FRAS1: variants seen among roughly 807,000 people sequenced by gnomAD.
The protein encoded by FRAS1 is Fraser extracellular matrix complex subunit 1.
A neutral mutation model predicts 435.2 loss-of-function variants in FRAS1; 290 were observed. The observed-to-expected ratio is 0.67, with a 90% CI of 0.61 to 0.73. The LOEUF is 0.73. Ranked by LOEUF, FRAS1 falls within the 30% of genes least tolerant of loss-of-function variation. FRAS1 has a pLI of 0.00. For synonymous variants in FRAS1, 1,800 were observed against 1,851.0 expected, an observed-to-expected ratio of 0.97 and a Z score of 0.71; for missense variants, 4,860 against 5,001.5, an observed-to-expected ratio of 0.97 and a Z score of 0.85.
At chr4:78,466,836 T>A (rs1012794154) in intron 50 of FRAS1, among the ~76,000 whole-genome samples, 12 of 152,168 alleles carry the variant, frequency 7.9e-5, no homozygotes, top group Non-Finnish European at 1.6e-4. Context: ...TTGGACTAGG[T>A]CCCCTCAGCC....
chr4:78,090,079 A>G (rs1741434811), intron 2 of FRAS1, among the ~76,000 whole-genome samples: 1 of 52,532 alleles, frequency 1.9e-5, no homozygotes, highest in Non-Finnish European at 4.2e-5. Context: ...GGCATTGCAA[A>G]CTTGTGACTG....
At chr4:78,450,080 C>G in intron 44 of FRAS1, 71 bp from the exon 45 acceptor site, 1 of 1,292,494 alleles carries the variant, frequency 7.7e-7, no homozygotes. Context: ...CTCCAGTCTC[C>G]TAAAATCATT....
At chr4:78,304,194 C>T (rs1293522251) in intron 14 of FRAS1, among the ~76,000 whole-genome samples, 1 of 151,576 alleles carries the variant, frequency 6.6e-6, no homozygotes, top group Admixed American at 6.6e-5. Context: ...CCTTGCATCC[C>T]AGGGATGAAG....
chr4:78,443,378 T>C (rs1734736642), intron 41 of FRAS1, among the ~76,000 whole-genome samples: 1 of 152,162 alleles, frequency 6.6e-6, no homozygotes, highest in South Asian at 2.1e-4. Context: ...AGAAACTAGC[T>C]ACCTAAATTC....
chr4:78,102,228 T>G (rs1742166554), intron 2 of FRAS1, among the ~76,000 whole-genome samples: 1 of 152,208 alleles, frequency 6.6e-6, no homozygotes, highest in South Asian at 2.1e-4. Context: ...AGGAACCATT[T>G]GAAAGGACCA....
At chr4:78,242,382 G>A (rs1725039242) in intron 3 of FRAS1, among the ~76,000 whole-genome samples, 1 of 152,120 alleles carries the variant, frequency 6.6e-6, no homozygotes, top group African/African-American at 2.4e-5. Context: ...ACCTGCTGTG[G>A]TACCCTTACA....
At chr4:78,338,612 T>G (rs902360543) in intron 20 of FRAS1, among the ~76,000 whole-genome samples, 1 of 152,202 alleles carries the variant, frequency 6.6e-6, no homozygotes, top group Non-Finnish European at 1.5e-5. Flanking sequence ...AGGGCTGAAC[T>G]GGGGAGATCC....
intron 2 of FRAS1, among the ~76,000 whole-genome samples, chr4:78,195,740 A>G (rs1407207112): frequency 6.6e-6 from 1 of 151,976 alleles, no homozygotes; most frequent in Non-Finnish European, 1.5e-5. Flanking sequence ...GCAATGCCTC[A>G]CCCTGCTTCG....
At chr4:78,329,426 C>A (rs1024124426) in intron 18 of FRAS1, among the ~76,000 whole-genome samples, 2 of 152,220 alleles carry the variant, frequency 1.3e-5, no homozygotes, top group African/African-American at 4.8e-5. Flanking sequence ...TCGCTGTTAT[C>A]ATGGGCCTAA....
At chr4:78,197,915 TG>T (rs1379648472) in intron 2 of FRAS1, among the ~76,000 whole-genome samples, 4 of 146,828 alleles carry the variant, frequency 2.7e-5, no homozygotes, top group Non-Finnish European at 4.5e-5. Flanking sequence ...CACTCCAGCC[TG>T]GGTGACAGAG....
chr4:78,446,562 C>A, intron 42 of FRAS1, 165 bp from the exon 43 acceptor site: 1 of 1,383,364 alleles, frequency 7.2e-7, no homozygotes, highest in Non-Finnish European at 9.3e-7. Context: ...CCTGGACTTG[C>A]TCTCTTTTCA....
At chr4:78,393,272 T>C (rs1005482960) in intron 29 of FRAS1, among the ~76,000 whole-genome samples, 1 of 152,066 alleles carries the variant, frequency 6.6e-6, no homozygotes, top group African/African-American at 2.4e-5. Context: ...CTATATTGTA[T>C]TGATAGTCAT....
intron 14 of FRAS1, among the ~76,000 whole-genome samples, chr4:78,298,036 A>G (rs201279194): frequency 1.7e-5 from 2 of 119,026 alleles, no homozygotes; most frequent in South Asian, 5.0e-4. Context: ...CTCTCTATAT[A>G]TATATATATA....
At chr4:78,136,100 C>T (rs72860655) in intron 2 of FRAS1, among the ~76,000 whole-genome samples, 3,165 of 152,304 alleles carry the variant, frequency 0.021, 109 homozygotes, top group African/African-American at 0.072. Context: ...ATATCTAACA[C>T]ATGTGTTTTT....
At chr4:78,117,443 G>A (rs188125504) in intron 2 of FRAS1, among the ~76,000 whole-genome samples, 48 of 152,184 alleles carry the variant, frequency 3.2e-4, no homozygotes, top group Admixed American at 9.8e-4. Flanking sequence ...ACTTGGTTCC[G>A]TTCTCCCTGT....
chr4:78,294,277 G>A (rs888233590), intron 14 of FRAS1, among the ~76,000 whole-genome samples: 7 of 152,176 alleles, frequency 4.6e-5, no homozygotes, highest in African/African-American at 9.7e-5. Flanking sequence ...TTTGGTTTGC[G>A]GTCCCGCCTT....
intron 60 of FRAS1, among the ~76,000 whole-genome samples, chr4:78,498,615 A>G (rs952121791): frequency 3.9e-5 from 6 of 152,114 alleles, no homozygotes; most frequent in African/African-American, 1.4e-4. Flanking sequence ...TATCTTCTAC[A>G]GTTAGGAAGA....
intron 64 of FRAS1, among the ~76,000 whole-genome samples, 189 bp from the exon 65 acceptor site, chr4:78,513,203 A>G (rs530585189): frequency 6.6e-6 from 1 of 152,318 alleles, no homozygotes; most frequent in South Asian, 2.1e-4. Context: ...GGTCTCTTAG[A>G]GGGAAGCAAT....
intron 2 of FRAS1, among the ~76,000 whole-genome samples, chr4:78,132,355 A>C (rs1719721977): frequency 6.6e-6 from 1 of 152,246 alleles, no homozygotes; most frequent in African/African-American, 2.4e-5. Flanking sequence ...TCTTAAAAGA[A>C]AAAGCAAAAA....
Sources: allele counts gnomAD v4.1 joint callset (sites outside exome capture counted in the v4.1 genomes callset), GRCh38; gene constraint gnomAD v4.1.1; transcripts MANE v1.5; gene names NCBI Gene and HGNC (gene_info 2026-07-23, HGNC 2026-07-21).